The following RYR3 variants were observed in gnomAD, a reference collection of about 807,000 sequenced individuals.
The protein encoded by RYR3 is ryanodine receptor 3, also known as brain ryanodine receptor-calcium release channel.
RYR3 carries 207 observed loss-of-function variants against 584.3 expected under a neutral mutation model. The ratio of observed to expected loss-of-function variants is 0.35; its 90% confidence interval spans 0.32 to 0.40. The LOEUF is 0.40. Ranked by LOEUF, RYR3 falls within the 10% of genes least tolerant of loss-of-function variation. The pLI is 1.00. For missense variants in RYR3, 5,616 were observed against 6,089.2 expected (o/e 0.92, Z 2.59); for synonymous variants, 2,416 against 2,248.5 (o/e 1.07, Z -2.11).
At chr15:33,380,600 G>A (rs1184099342) in intron 1 of RYR3, among the ~76,000 whole-genome samples, 1 of 152,180 alleles carries the variant, frequency 6.6e-6, no homozygotes, top group African/African-American at 2.4e-5. Context: ...TCAATGCCAA[G>A]GGAGACAACT....
intron 102 of RYR3, among the ~76,000 whole-genome samples, chr15:33,862,897 G>A (rs540672456): frequency 8.5e-5 from 13 of 152,334 alleles, no homozygotes; most frequent in South Asian, 8.3e-4. Context: ...AATTAGAGGC[G>A]TGAGCCATCA....
intron 2 of RYR3, among the ~76,000 whole-genome samples, chr15:33,492,607 A>G (rs2051063047): frequency 6.6e-6 from 1 of 152,202 alleles, no homozygotes; most frequent in African/African-American, 2.4e-5. Flanking sequence ...CTTGGCTTTC[A>G]TTGCCCTGAG....
chr15:33,787,286 A>G (rs2152911219), intron 66 of RYR3, among the ~76,000 whole-genome samples: 1 of 152,384 alleles, frequency 6.6e-6, no homozygotes, highest in South Asian at 2.1e-4. Context: ...AAGAAGGCTA[A>G]GAAGTCACAA....
At chr15:33,775,871 TATTC>T (rs1197972686) in intron 64 of RYR3, among the ~76,000 whole-genome samples, 1 of 152,210 alleles carries the variant, frequency 6.6e-6, no homozygotes, top group Non-Finnish European at 1.5e-5. Context: ...AAAACCCCTA[TATTC>T]ACTTACAGAG....
At chr15:33,738,230 T>C (rs1254260803) in intron 49 of RYR3, among the ~76,000 whole-genome samples, 1 of 152,164 alleles carries the variant, frequency 6.6e-6, no homozygotes, top group African/African-American at 2.4e-5. Context: ...GCATAAGAAT[T>C]AATCAGGCAG....
chr15:33,800,772 C>T lies in RYR3; in HGVS notation c.9833C>T (p.Ser3278Phe), dbSNP rs1442544131. ...MLIRYVDNNRSNWLKSPDADS... is the reference protein window; with the variant it reads ...MLIRYVDNNRFNWLKSPDADS... ...TGTTTATTTACTTTTGGACCCAGAT[C>T]TAACTGGCTGAAAAGTCCTGATGCT... The change falls in exon 68 of 104, where the codon TCT (serine) becomes TTT (phenylalanine). Residue 3278 changes from serine to phenylalanine, a missense_variant and splice_region_variant. Physicochemically the swap from Ser to Phe is radical, Grantham distance 155. This residue lies in a region of RYR3 where 954 missense variants were observed against 1,132.2 expected (regional missense o/e 0.84). Transcript: ENST00000634891. 6.2e-7 allele frequency: 1 copy of T among 1,612,230 alleles called. No homozygotes were observed. Among genetic ancestry groups the T allele is most frequent in the Non-Finnish European group, 8.5e-7 (1 of 1,178,404 alleles).
rs35491164 is a variant in RYR3 at position 33,368,338 on chromosome 15, C to CTTT, written c.51+57265_51+57267dup. ...TGTTTCTTCATTGTAGCCTTCCTGTCTTTTTTTTTTTTTTTTTTTTTTTTT... is the reference window on the plus strand; with the variant it reads ...TGTTTCTTCATTGTAGCCTTCCTGTCTTTTTTTTTTTTTTTTTTTTTTTTTTTT... On this transcript the variant is annotated intron_variant, in intron 1 of 103. Transcript: ENST00000634891. 4.2e-3 allele frequency among the ~76,000 whole-genome samples: 360 copies of CTTT among 85,818 alleles called. 23 individuals carry two copies. The highest frequency in any genetic ancestry group is 0.014 in the African/African-American group (288 of 20,266). 56.3% of individuals were successfully genotyped at this position (85,818 alleles called of 152,430 possible). A position where few individuals can be genotyped will look rare whatever the true frequency, so the allele number is the denominator to read the frequency against.
chr15:33,469,149 G>A (rs758203808), intron 1 of RYR3, among the ~76,000 whole-genome samples: 1 of 152,126 alleles, frequency 6.6e-6, no homozygotes, highest in African/African-American at 2.4e-5. Flanking sequence ...AGATCAGAGA[G>A]ATTACTTGGG....
chr15:33,686,127 AC>A (rs1335532632), intron 38 of RYR3, among the ~76,000 whole-genome samples: 2 of 152,120 alleles, frequency 1.3e-5, no homozygotes, highest in African/African-American at 4.8e-5. Flanking sequence ...GACACAAAAA[AC>A]CCTTCAAAAA....
chr15:33,763,904 A>C (rs1241298425), intron 60 of RYR3, among the ~76,000 whole-genome samples: 14 of 130,570 alleles, frequency 1.1e-4, no homozygotes, highest in African/African-American at 4.3e-4. Flanking sequence ...AAAAAAAAAA[A>C]AAAAAAAAAA....
At chr15:33,668,834 ATTATT>A (rs1384092238) in intron 36 of RYR3, among the ~76,000 whole-genome samples, 2 of 152,210 alleles carry the variant, frequency 1.3e-5, no homozygotes, top group African/African-American at 2.4e-5. Context: ...ATGAAAAAAA[ATTATT>A]TTAAAGGAAA....
intron 63 of RYR3, 103 bp downstream of exon 63, chr15:33,772,261 A>G: frequency 3.1e-6 from 2 of 650,580 alleles, no homozygotes; most frequent in Non-Finnish European, 5.5e-6. Context: ...GAGCAGAGAG[A>G]GAATTATTCC....
rs534000141 is a variant in RYR3 at position 33,713,067 on chromosome 15, A to G, written c.6619+6013A>G. ...TTTCTTTGGAATCTCAAAGCCCTTT[A>G]TAAGTCCTTATGTCTAAAAGGTGAT... On this transcript the variant is annotated intron_variant, in intron 43 of 103. Coordinates refer to ENST00000634891, the MANE Select transcript of RYR3 (RefSeq NM_001036.6). Among the ~76,000 whole-genome samples, 210 of 152,338 alleles carry G rather than the reference A, an allele frequency of 1.4e-3. 2 individuals carry two copies. Among genetic ancestry groups the G allele is most frequent in the African/African-American group, 4.8e-3 (199 of 41,578 alleles).
chr15:33,585,604 G>C (rs1479807858), intron 15 of RYR3, among the ~76,000 whole-genome samples: 2 of 152,144 alleles, frequency 1.3e-5, no homozygotes, highest in Non-Finnish European at 2.9e-5. Context: ...CAAATTACTT[G>C]AATGACCTTT....
chr15:33,476,700 A>G (rs1168597350), intron 2 of RYR3, among the ~76,000 whole-genome samples: 4 of 152,222 alleles, frequency 2.6e-5, no homozygotes, highest in Admixed American at 6.5e-5. Context: ...AAGCATGAAC[A>G]CTATTAAACT....
At chr15:33,844,601 A>T (rs754558440) in intron 92 of RYR3, among the ~76,000 whole-genome samples, 1 of 152,174 alleles carries the variant, frequency 6.6e-6, no homozygotes, top group Non-Finnish European at 1.5e-5. Flanking sequence ...AAGCATATGT[A>T]GTAAAAGTTG....
intron 1 of RYR3, among the ~76,000 whole-genome samples, chr15:33,384,419 G>T (rs1011401121): frequency 1.4e-5 from 2 of 146,328 alleles, no homozygotes; most frequent in Non-Finnish European, 3.0e-5. Context: ...TTTTGTACTT[G>T]TTTTTTTGGT....
rs75368013 is a variant in RYR3 at position 33,676,001 on chromosome 15, C to A, written c.5860+5445C>A. On this transcript the variant is annotated intron_variant, in intron 38 of 103. Coordinates refer to ENST00000634891, the MANE Select transcript of RYR3 (RefSeq NM_001036.6). ...AATTGCCCCCCAAAGATGTTCACAT[C>A]CCAATTCCTAGAACCTGTGGATATG... Among the ~76,000 whole-genome samples the A allele has an allele frequency of 9.2e-5, 14 of 152,098 alleles. No homozygotes were observed. The East Asian group carries it at 2.7e-3, about 29-fold the overall frequency.
chr15:33,564,625 G>A (rs370355296), intron 11 of RYR3, among the ~76,000 whole-genome samples: 1 of 152,128 alleles, frequency 6.6e-6, no homozygotes, highest in East Asian at 1.9e-4. Context: ...TAAGGCAATG[G>A]CAGCATTTAA....
Sources: gnomAD v4.1 joint callset for allele counts (sites outside exome capture counted in the v4.1 genomes callset) on GRCh38, gnomAD v4.1.1 for gene constraint, gnomAD v4.1.1 regional missense constraint, MANE v1.5 for transcripts, NCBI Gene and HGNC (gene_info 2026-07-23, HGNC 2026-07-21) for gene names.